Variants in CCDC171 observed in about 807,000 individuals in gnomAD.
The protein encoded by CCDC171 is coiled-coil domain containing 171.
CCDC171 carries 177 observed loss-of-function variants against 168.2 expected under a neutral mutation model. The ratio of observed to expected loss-of-function variants is 1.05; its 90% CI spans 0.93 to 1.19. The LOEUF (loss-of-function observed/expected upper bound fraction) is 1.19, where lower values mean the gene tolerates loss of function less well. Ranked by LOEUF, CCDC171 falls within the 50% of genes most tolerant of loss-of-function variation. The pLI, the probability that CCDC171 is intolerant of heterozygous loss-of-function variation, is 0.00. For synonymous variants in CCDC171, 687 were observed against 540.8 expected (o/e 1.27, Z -3.75); for missense variants, 1,991 against 1,539.0 (o/e 1.29, Z -4.91).
intron 1 of CCDC171, among the ~76,000 whole-genome samples, chr9:15,555,641 T>A (rs543965336): frequency 1.3e-5 from 2 of 152,114 alleles, no homozygotes; most frequent in African/African-American, 4.8e-5. Flanking sequence ...TCACTAGAGA[T>A]GTGAGAGATG....
At chr9:16,005,148 G>A (rs938728710) in intron 3 of CCDC171, among the ~76,000 whole-genome samples, 1 of 152,154 alleles carries the variant, frequency 6.6e-6, no homozygotes, top group Admixed American at 6.5e-5. Context: ...AAGAAATCCT[G>A]TATTAGTAGT....
At chr9:16,050,775 C>A (rs1833738716) in intron 1 of CCDC171, among the ~76,000 whole-genome samples, 1 of 152,214 alleles carries the variant, frequency 6.6e-6, no homozygotes, top group Admixed American at 6.5e-5. Flanking sequence ...TAAAATTTCA[C>A]AAGATCTGGG....
In CCDC171 at chr9:15,744,362, C is replaced by CA. The variant is rs748310871; in HGVS notation, c.2145dup (p.Leu716ThrfsTer28). 5.6e-6 allele frequency: 9 copies of CA among 1,613,932 alleles called. No homozygotes were observed. The highest frequency in any genetic ancestry group is 7.6e-6 in the Non-Finnish European group (9 of 1,180,010). The stretch of plus-strand genomic sequence containing the variant: ...AGTTGGTTCTTGAAAATTCGCACTT[C>CA]AAAAAACTGTTATCACAGACTCAAA... On this transcript the variant is annotated frameshift_variant, in exon 17 of 26. Transcript: ENST00000380701. LOFTEE classifies it high-confidence loss of function.
chr9:15,661,588 G>A (rs945775599), intron 8 of CCDC171, among the ~76,000 whole-genome samples: 1 of 152,116 alleles, frequency 6.6e-6, no homozygotes, highest in Non-Finnish European at 1.5e-5. Context: ...CTACCTTTCG[G>A]TTTCAGAGCA....
At chr9:15,581,816 G>A (rs200019082) in intron 4 of CCDC171, among the ~76,000 whole-genome samples, 7 of 151,918 alleles carry the variant, frequency 4.6e-5, no homozygotes, top group African/African-American at 1.5e-4. Context: ...AAGACCTAAA[G>A]CCATAAAAAC....
chr9:15,750,865 G>A (rs2055687658), intron 18 of CCDC171, among the ~76,000 whole-genome samples: 1 of 152,100 alleles, frequency 6.6e-6, no homozygotes, highest in African/African-American at 2.4e-5. Flanking sequence ...TTGAAAAACG[G>A]CACAAGACAA....
At chr9:15,863,949 G>T (rs2061665222) in intron 23 of CCDC171, among the ~76,000 whole-genome samples, 1 of 152,044 alleles carries the variant, frequency 6.6e-6, no homozygotes, top group African/African-American at 2.4e-5. Flanking sequence ...TTTTGTAAAG[G>T]CTGTCTTTCT....
chr9:15,713,546 C>T (rs1000032279), intron 11 of CCDC171, among the ~76,000 whole-genome samples: 5 of 152,108 alleles, frequency 3.3e-5, no homozygotes, highest in Admixed American at 2.6e-4. Flanking sequence ...GTAACCGTTT[C>T]ATGATGGGCA....
intron 7 of CCDC171, among the ~76,000 whole-genome samples, chr9:15,630,000 C>A (rs1232871936): frequency 6.6e-6 from 1 of 152,166 alleles, no homozygotes; most frequent in Non-Finnish European, 1.5e-5. Flanking sequence ...CACCACCAGG[C>A]CTGCCCTGCA....
intron 23 of CCDC171, among the ~76,000 whole-genome samples, chr9:15,858,580 T>C (rs773357235): frequency 8.5e-5 from 13 of 152,084 alleles, no homozygotes; most frequent in Non-Finnish European, 1.2e-4. Flanking sequence ...GTTGTATTTT[T>C]AATTTCTTTT....
At chr9:15,581,243 A>G (rs892960249) in intron 4 of CCDC171, among the ~76,000 whole-genome samples, 3 of 152,230 alleles carry the variant, frequency 2.0e-5, no homozygotes, top group Admixed American at 6.5e-5. Context: ...GGACCTTTTC[A>G]AGGAGAACTA....
At chr9:16,041,193 G>T (rs992946034), upstream of CCDC171, among the ~76,000 whole-genome samples, 2 of 152,210 alleles carry the variant, frequency 1.3e-5, no homozygotes, top group African/African-American at 4.8e-5. Flanking sequence ...CTCAGAGGAA[G>T]GAGAAATCTG....
rs772916000 is a variant in CCDC171, at chr9:15,579,016, A to G, written c.345A>G (p.Lys115=). ...CCGAGGCACATAGGATCCAAGAAAA[A>G]CTCTGTGGTAAGACTGTTTCTATTT... ...RLAEAHRIQE[K]LCAQNSELQA... The change falls in exon 4 of 26, where the codon AAA becomes AAG. Residue 115 remains lysine (K), a synonymous_variant. Coordinates refer to ENST00000380701, the MANE Select transcript of CCDC171 (RefSeq NM_173550.4). 6.2e-7 allele frequency: 1 copy of G among 1,611,938 alleles called. No homozygotes were observed. Among genetic ancestry groups the G allele is most frequent in the Non-Finnish European group, 8.5e-7 (1 of 1,179,064 alleles).
intron 8 of CCDC171, among the ~76,000 whole-genome samples, 193 bp from the exon 9 acceptor site, chr9:15,665,970 T>G (rs573562140): frequency 2.0e-5 from 3 of 152,306 alleles, no homozygotes; most frequent in Admixed American, 6.5e-5. Context: ...TCTTCTACTC[T>G]TTCTCCTTTC....
chr9:15,571,287 G>A (rs2040201868), intron 2 of CCDC171, among the ~76,000 whole-genome samples: 1 of 152,048 alleles, frequency 6.6e-6, no homozygotes, highest in Non-Finnish European at 1.5e-5. Flanking sequence ...TAAACAAAAT[G>A]TATTATTTAC....
chr9:15,799,135 C>CACATATAT (rs1554820188), intron 21 of CCDC171, among the ~76,000 whole-genome samples: 1 of 109,024 alleles, frequency 9.2e-6, no homozygotes, highest in Non-Finnish European at 1.8e-5. Context: ...TCATCATTGC[C>CACATATAT]ATATATATAT....
intron 6 of CCDC171, among the ~76,000 whole-genome samples, chr9:16,025,271 G>A (rs1379431141): frequency 6.6e-6 from 1 of 152,120 alleles, no homozygotes. Context: ...GTAAAATGCT[G>A]TCTCTACTAA....
At chr9:15,741,199 C>T (rs948750060) in intron 16 of CCDC171, among the ~76,000 whole-genome samples, 2 of 152,142 alleles carry the variant, frequency 1.3e-5, no homozygotes, top group Non-Finnish European at 2.9e-5. Flanking sequence ...TAAGTGTGTT[C>T]ACAGTATTGC....
At chr9:15,993,099 A>T (rs1361099844) in intron 3 of CCDC171, among the ~76,000 whole-genome samples, 1 of 152,096 alleles carries the variant, frequency 6.6e-6, no homozygotes, top group Non-Finnish European at 1.5e-5. Context: ...AACTACTTTA[A>T]AGTTCATATG....
Sources: allele counts gnomAD v4.1 joint callset (sites outside exome capture counted in the v4.1 genomes callset), GRCh38; gene constraint gnomAD v4.1.1; transcripts MANE v1.5; gene names NCBI Gene and HGNC (gene_info 2026-07-23, HGNC 2026-07-21).